The following SLC24A3 variants were observed in gnomAD, a reference collection of about 807,000 sequenced individuals.
The protein encoded by SLC24A3 is solute carrier family 24 member 3, also known as sodium/potassium/calcium exchanger 3.
In SLC24A3, 28 loss-of-function variants were observed where a neutral mutation model predicts 75.8. The observed-to-expected ratio is 0.37, with a 90% CI of 0.27 to 0.51. The LOEUF (loss-of-function observed/expected upper bound fraction) is 0.51, where lower values mean the gene tolerates loss of function less well. Ranked by LOEUF, SLC24A3 falls within the 20% of genes least tolerant of loss-of-function variation. The pLI is 0.94. For missense variants in SLC24A3, 663 were observed against 847.8 expected (o/e 0.78, Z 2.71); for synonymous variants, 372 against 334.1 (o/e 1.11, Z -1.24).
chr20:19,681,384 A>G (rs2032614152), intron 9 of SLC24A3, among the ~76,000 whole-genome samples: 1 of 152,220 alleles, frequency 6.6e-6, no homozygotes, highest in Non-Finnish European at 1.5e-5. Context: ...ATAGACTGTG[A>G]CACACAGCCA....
chr20:19,353,945 C>T (rs7270976), intron 2 of SLC24A3, among the ~76,000 whole-genome samples: 17,182 of 152,168 alleles, frequency 0.11, 2,605 homozygotes, highest in African/African-American at 0.35. Context: ...AGCCATTCCA[C>T]CCTTAGGTAT....
At chr20:19,505,934 T>C (rs2143501) in intron 2 of SLC24A3, among the ~76,000 whole-genome samples, 32,656 of 152,080 alleles carry the variant, frequency 0.21, 3,996 homozygotes, top group East Asian at 0.5. Context: ...TTTCTCCCTC[T>C]CCATTATTTA....
chr20:19,476,196 G>A (rs1011794260), intron 2 of SLC24A3, among the ~76,000 whole-genome samples: 2 of 152,200 alleles, frequency 1.3e-5, no homozygotes, highest in East Asian at 1.9e-4. Context: ...AATGCCTTCA[G>A]AGATTCATTC....
rs147204353 is a variant in SLC24A3, at chr20:19,275,170, G to A, written c.143-5789G>A. On this transcript the variant is annotated intron_variant, in intron 1 of 16. Transcript: ENST00000328041. ...GAGAGTTAATACGTCCTCTCAAAAG[G>A]AGCTGCTATGCCCCTAAGGCCACTT... Among the ~76,000 whole-genome samples the A allele has an allele frequency of 9.9e-3, 1,503 of 152,224 alleles. 24 individuals carry two copies. The highest frequency in any genetic ancestry group is 0.033 in the African/African-American group (1,366 of 41,544).
intron 1 of SLC24A3, among the ~76,000 whole-genome samples, chr20:19,240,027 C>T (rs946732944): frequency 4.6e-5 from 7 of 152,318 alleles, no homozygotes; most frequent in Admixed American, 2.0e-4. Flanking sequence ...ATCAGTTTAA[C>T]CAGGTAGAAC....
intron 2 of SLC24A3, among the ~76,000 whole-genome samples, chr20:19,504,740 G>A (rs548005137): frequency 4.7e-4 from 72 of 152,318 alleles, no homozygotes; most frequent in African/African-American, 1.6e-3. Context: ...GAGAAACAAA[G>A]GAGTCCAAGA....
chr20:19,291,407 C>G (rs1348438835), intron 2 of SLC24A3, among the ~76,000 whole-genome samples: 1 of 152,224 alleles, frequency 6.6e-6, no homozygotes, highest in Non-Finnish European at 1.5e-5. Flanking sequence ...GTCAGAGGCA[C>G]CAAGCACAGT....
intron 3 of SLC24A3, among the ~76,000 whole-genome samples, chr20:19,546,171 A>C (rs2030589400): frequency 6.7e-6 from 1 of 148,838 alleles, no homozygotes; most frequent in African/African-American, 2.5e-5. Context: ...AAAAAAAAAA[A>C]AAAAAAAAAA....
At chr20:19,263,110 C>G (rs1983049060) in intron 1 of SLC24A3, among the ~76,000 whole-genome samples, 1 of 151,554 alleles carries the variant, frequency 6.6e-6, no homozygotes, top group Non-Finnish European at 1.5e-5. Flanking sequence ...CTGTTTCTTT[C>G]ACTTTTAGAA....
At chr20:19,289,777 C>T (rs1454281763) in intron 2 of SLC24A3, among the ~76,000 whole-genome samples, 2 of 152,196 alleles carry the variant, frequency 1.3e-5, no homozygotes, top group African/African-American at 4.8e-5. Flanking sequence ...CAGCAGTGTG[C>T]CCAGGGGACT....
At chr20:19,272,169 C>T (rs1983349732) in intron 1 of SLC24A3, among the ~76,000 whole-genome samples, 1 of 152,230 alleles carries the variant, frequency 6.6e-6, no homozygotes. Context: ...ATCCTTGCAG[C>T]CCTCTGCCAG....
In SLC24A3 at chr20:19,346,077, A is replaced by ATATATG. The variant is rs1555788915; in HGVS notation, c.271+64995_271+64996insGTATAT. 1.9e-3 allele frequency among the ~76,000 whole-genome samples: 117 copies of ATATATG among 60,298 alleles called. 3 individuals carry two copies. The highest frequency in any genetic ancestry group is 0.017 in the African/African-American group (112 of 6,452). The allele number at this position is 60,298 out of a possible 152,430, so 39.6% of individuals were successfully genotyped here. ...AATAAAGAAAACTATATATATATAT[A>ATATATG]TATATATATATATATATATATATAT... On this transcript the variant is annotated intron_variant, in intron 2 of 16. Transcript: ENST00000328041.
chr20:19,448,252 A>T (rs1352598684), intron 2 of SLC24A3, among the ~76,000 whole-genome samples: 2 of 152,242 alleles, frequency 1.3e-5, no homozygotes, highest in Non-Finnish European at 2.9e-5. Context: ...TTTTCGCATT[A>T]CTAAGAACAT....
chr20:19,475,035 C>T (rs1338885680), intron 2 of SLC24A3, among the ~76,000 whole-genome samples: 3 of 152,140 alleles, frequency 2.0e-5, no homozygotes, highest in Non-Finnish European at 4.4e-5. Context: ...GAAATACACA[C>T]GCCCCATAAA....
chr20:19,388,973 A>G (rs1002751911), intron 2 of SLC24A3, among the ~76,000 whole-genome samples: 1 of 151,526 alleles, frequency 6.6e-6, no homozygotes, highest in Non-Finnish European at 1.5e-5. Flanking sequence ...TTTTGTAGTG[A>G]TGCGCTTTGA....
chr20:19,595,353 G>A (rs940930307), intron 6 of SLC24A3, among the ~76,000 whole-genome samples: 14 of 152,146 alleles, frequency 9.2e-5, no homozygotes, highest in Admixed American at 6.5e-5. Context: ...CTTCGATAAG[G>A]GCCTGGCTAG....
intron 2 of SLC24A3, among the ~76,000 whole-genome samples, chr20:19,358,566 A>C (rs1985731303): frequency 6.6e-6 from 1 of 152,198 alleles, no homozygotes; most frequent in African/African-American, 2.4e-5. Flanking sequence ...AGTGATACTT[A>C]AGAAATCCAA....
intron 2 of SLC24A3, among the ~76,000 whole-genome samples, chr20:19,305,667 G>A (rs193043689): frequency 2.0e-4 from 31 of 152,210 alleles, no homozygotes; most frequent in African/African-American, 6.3e-4. Flanking sequence ...GACTCCTTAC[G>A]CGATAAACGG....
chr20:19,623,729 A>G (rs1340434082), intron 6 of SLC24A3, among the ~76,000 whole-genome samples: 3 of 152,208 alleles, frequency 2.0e-5, no homozygotes, highest in Admixed American at 2.0e-4. Context: ...CAGCTGCTCT[A>G]GAAACTAATC....
Sources: allele counts gnomAD v4.1 joint callset (sites outside exome capture counted in the v4.1 genomes callset), GRCh38; gene constraint gnomAD v4.1.1; transcripts MANE v1.5; gene names NCBI Gene and HGNC (gene_info 2026-07-23, HGNC 2026-07-21).